The following LAMA3 variants were observed in gnomAD, a reference collection of about 807,000 sequenced individuals.
LAMA3 encodes laminin subunit alpha 3.
A neutral mutation model predicts 402.0 loss-of-function variants in LAMA3; 281 were observed. That is an observed-to-expected ratio of 0.70 (90% CI 0.63 to 0.77). The LOEUF is 0.77. Among genes scored for constraint, LAMA3 ranks in the 30% least tolerant of loss-of-function variants. LAMA3 has a pLI of 0.00. For missense variants in LAMA3, 3,840 were observed against 4,215.5 expected, an observed-to-expected ratio of 0.91 and a Z score of 2.47; for synonymous variants, 1,431 against 1,558.4, an observed-to-expected ratio of 0.92 and a Z score of 1.93.
chr18:23,779,093 G>C (rs949899460), intron 11 of LAMA3, among the ~76,000 whole-genome samples: 12 of 152,208 alleles, frequency 7.9e-5, no homozygotes, highest in Non-Finnish European at 5.9e-5. Context: ...GTGTGTGAAA[G>C]TGGAGTGAGG....
rs77484465 is a variant in LAMA3 at position 23,905,875 on chromosome 18, C to T, written c.6718+251C>T. On this transcript the variant is annotated intron_variant, in intron 52 of 74. Coordinates refer to ENST00000313654, the MANE Select transcript of LAMA3 (RefSeq NM_198129.4). ...GAACTCCTGGGCTTAAGCTATCCTC[C>T]CACTTCAGCCTCCCAAGTAGCTGAG... Among the ~76,000 whole-genome samples, 3,571 of 152,160 alleles carry T rather than the reference C, an allele frequency of 0.023. 137 individuals are homozygous for T. The highest frequency in any genetic ancestry group is 0.082 in the African/African-American group (3,402 of 41,488).
intron 41 of LAMA3, among the ~76,000 whole-genome samples, chr18:23,887,221 T>C (rs2065100227): frequency 6.6e-6 from 1 of 152,082 alleles, no homozygotes; most frequent in East Asian, 1.9e-4. Context: ...CATCAAAACA[T>C]GCCATTAAAA....
chr18:23,874,945 C>T (rs963097986), intron 38 of LAMA3, among the ~76,000 whole-genome samples: 3 of 152,272 alleles, frequency 2.0e-5, no homozygotes, highest in Admixed American at 6.5e-5. Context: ...CTCACTGCAA[C>T]CTCCACCTCC....
At position 23,689,501 on chromosome 18, in the gene LAMA3, C is replaced by G. The variant is rs959808413; in HGVS notation, c.-183C>G. On this transcript the variant is annotated 5_prime_UTR_variant, in exon 1 of 75. Coordinates refer to ENST00000313654, the MANE Select transcript of LAMA3 (RefSeq NM_198129.4). The stretch of plus-strand genomic sequence containing the variant: ...GCTCCAGCCGCGGCAGGTTCCAGAG[C>G]TGAGAGGCCACCCCCACGCCGCGGG... The G allele has an allele frequency of 1.7e-5, 8 of 473,846 alleles. No individual in the cohort carries two copies. The highest frequency in any genetic ancestry group is 2.3e-5 in the Non-Finnish European group (7 of 302,904). The allele number at this position is 473,846 out of a possible 1,614,324, so 29.4% of individuals were successfully genotyped here.
rs1373168004 is a variant in LAMA3 at position 23,924,104 on chromosome 18, C to T, written c.8177+2519C>T. Reference sequence around the variant, plus strand: ...TTCTAGCCTCAAGTGATCCTCCCACCCCCAGAATTCTGGGGTTACAGGCGT... The same window carrying T: ...TTCTAGCCTCAAGTGATCCTCCCACTCCCAGAATTCTGGGGTTACAGGCGT... On this transcript the variant is annotated intron_variant, in intron 62 of 74. Coordinates refer to ENST00000313654, the MANE Select transcript of LAMA3 (RefSeq NM_198129.4). 3.9e-5 allele frequency among the ~76,000 whole-genome samples: 6 copies of T among 152,174 alleles called. No homozygotes were observed. In the East Asian group the frequency reaches 7.8e-4, roughly 20 times the overall value.
At chr18:23,854,868 C>T (rs1264719152) in intron 32 of LAMA3, among the ~76,000 whole-genome samples, 1 of 151,360 alleles carries the variant, frequency 6.6e-6, no homozygotes, top group Non-Finnish European at 1.5e-5. Context: ...GCCTGTAGTC[C>T]CAGCTACTCG....
intron 1 of LAMA3, among the ~76,000 whole-genome samples, chr18:23,691,481 G>T (rs1375536950): frequency 6.6e-6 from 1 of 152,038 alleles, no homozygotes; most frequent in Non-Finnish European, 1.5e-5. Flanking sequence ...TTTTATGATT[G>T]TGTGTTTATA....
chr18:23,704,230 TC>T (rs1034152451), intron 1 of LAMA3, among the ~76,000 whole-genome samples: 47 of 152,350 alleles, frequency 3.1e-4, no homozygotes, highest in African/African-American at 1.1e-3. Context: ...CTGGGTCTCT[TC>T]CCATACATCT....
Position 23,819,858 on chromosome 18 carries a change from A to T in LAMA3, c.2165A>T (p.Tyr722Phe). 1 of 1,614,102 alleles carries T rather than the reference A, an allele frequency of 6.2e-7. No individual in the cohort carries two copies. The part of the protein sequence containing the change: ...KVCQRPENNY[Y>F]FPDLHHMKYE... ...TATGAAAGGCCTGAAAACAACTACT[A>T]TTTCCCAGATTTGCATCATATGAAG... The change falls in exon 19 of 75, where the codon TAT (tyrosine) becomes TTT (phenylalanine). Residue 722 changes from tyrosine to phenylalanine, a missense_variant. Tyr to Phe is a conservative substitution (Grantham distance 22). Transcript: ENST00000313654.
intron 8 of LAMA3, among the ~76,000 whole-genome samples, chr18:23,771,976 A>G (rs1467655621): frequency 6.6e-6 from 1 of 152,106 alleles, no homozygotes; most frequent in African/African-American, 2.4e-5. Flanking sequence ...GCATGAAGAT[A>G]CTTTATCTCC....
At chr18:23,705,551 G>T (rs988513698) in intron 1 of LAMA3, among the ~76,000 whole-genome samples, 16 of 151,768 alleles carry the variant, frequency 1.1e-4, no homozygotes, top group African/African-American at 3.9e-4. Context: ...TTGAGACAGG[G>T]TCTCACTCCA....
intron 24 of LAMA3, 31 bp from the exon 25 acceptor site, chr18:23,836,946 GAGTC>G (rs1426071652): frequency 6.7e-7 from 1 of 1,483,860 alleles, no homozygotes; most frequent in Admixed American, 1.7e-5. Flanking sequence ...GAGATGCCGG[GAGTC>G]AGGCTAAGAA....
At chr18:23,951,861 G>T in intron 73 of LAMA3, 84 bp downstream of exon 73, 1 of 1,066,214 alleles carries the variant, frequency 9.4e-7, no homozygotes. Context: ...GGCAGCCTCA[G>T]CCCCTCCATC....
In LAMA3 at chr18:23,884,822, A is replaced by G; in HGVS notation, c.5272A>G (p.Lys1758Glu). 1 of 1,613,760 alleles carries G rather than the reference A, an allele frequency of 6.2e-7. No individual in the cohort carries two copies. The highest frequency in any genetic ancestry group is 1.7e-5 in the Admixed American group (1 of 59,972). Residue 1758 changes from lysine to glutamate, a missense_variant, in exon 41 of 75, where the codon AAA becomes GAA. Lys to Glu is a moderately conservative substitution (Grantham distance 56). Coordinates refer to ENST00000313654, the MANE Select transcript of LAMA3 (RefSeq NM_198129.4). ...VNGGDVRCSCKAGYTGTQCER... is the reference protein window; with the variant it reads ...VNGGDVRCSCEAGYTGTQCER... ...TGGGGGAGACGTGCGGTGCTCCTGC[A>G]AAGCTGGGTACACAGGAACACAGTG...
chr18:23,791,347 G>A (rs1008508576), intron 12 of LAMA3, among the ~76,000 whole-genome samples: 1 of 152,180 alleles, frequency 6.6e-6, no homozygotes, highest in African/African-American at 2.4e-5. Context: ...AGCAGATACA[G>A]TTACTTTTTA....
intron 12 of LAMA3, among the ~76,000 whole-genome samples, chr18:23,805,327 A>C (rs2062942108): frequency 6.6e-6 from 1 of 152,238 alleles, no homozygotes; most frequent in Non-Finnish European, 1.5e-5. Flanking sequence ...ATGGGCAAGC[A>C]GTAGGAATCA....
chr18:23,822,304 G>A lies in LAMA3; in HGVS notation c.2357G>A (p.Arg786His), dbSNP rs199610601. 32 of 1,613,366 alleles carry A rather than the reference G, an allele frequency of 2.0e-5. No homozygotes were observed. Among genetic ancestry groups the A allele is most frequent in the South Asian group, 7.7e-5 (7 of 91,062 alleles). The change falls in exon 20 of 75, where the codon CGT becomes CAT. Residue 786 changes from arginine to histidine, a missense_variant. Arg to His is a conservative substitution (Grantham distance 29). Around this residue, in one of 3 missense-constraint regions of LAMA3, gnomAD observed 2,109 missense variants for 2,376.0 expected, o/e 0.89. Coordinates refer to ENST00000313654, the MANE Select transcript of LAMA3 (RefSeq NM_198129.4). ...NVGKSSGSLFRVILRYVNPGT... is the reference protein window; with the variant it reads ...NVGKSSGSLFHVILRYVNPGT... ...GGGAAGTCAAGTGGCTCCTTGTTTC[G>A]TGTTATTCTGAGATACGTTAACCCT...
chr18:23,813,545 TTTTC>T (rs1196413962), intron 14 of LAMA3, among the ~76,000 whole-genome samples: 2 of 148,312 alleles, frequency 1.3e-5, no homozygotes, highest in South Asian at 2.1e-4. Context: ...TTTTCTTTTC[TTTTC>T]TTTCTTTTTT....
intron 1 of LAMA3, among the ~76,000 whole-genome samples, chr18:23,693,377 A>G (rs1384286011): frequency 6.6e-6 from 1 of 152,176 alleles, no homozygotes; most frequent in African/African-American, 2.4e-5. Context: ...ATGTTTACAT[A>G]TGTAGTTACC....
Sources: allele counts gnomAD v4.1 joint callset (sites outside exome capture counted in the v4.1 genomes callset), GRCh38; gene constraint gnomAD v4.1.1; regional missense constraint gnomAD v4.1.1; transcripts MANE v1.5; gene names NCBI Gene and HGNC (gene_info 2026-07-23, HGNC 2026-07-21).